BMPR1A: variants seen among roughly 807,000 people sequenced by gnomAD.
BMPR1A encodes bone morphogenetic protein receptor type-1A.
A neutral mutation model predicts 66.0 loss-of-function variants in BMPR1A; 7 were observed. The ratio of observed to expected loss-of-function variants is 0.11; its 90% CI spans 0.06 to 0.20. The LOEUF (loss-of-function observed/expected upper bound fraction) is 0.20. Among genes scored for constraint, BMPR1A ranks in the 10% least tolerant of loss-of-function variants. The probability of loss-of-function intolerance (pLI) is 1.00; values close to 1 mark genes in which losing one functional copy is unlikely to be tolerated. For missense variants in BMPR1A, 408 were observed against 669.1 expected (o/e 0.61, Z 4.31); for synonymous variants, 200 against 229.7 (o/e 0.87, Z 1.17).
intron 1 of BMPR1A, among the ~76,000 whole-genome samples, chr10:86,807,012 T>C (rs181044064): frequency 6.6e-6 from 1 of 152,150 alleles, no homozygotes; most frequent in Admixed American, 6.5e-5. Flanking sequence ...CAGGCTTCTA[T>C]AGGACCTTCT....
chr10:86,898,169 C>T (rs1843253323), intron 5 of BMPR1A, among the ~76,000 whole-genome samples: 1 of 151,990 alleles, frequency 6.6e-6, no homozygotes. Context: ...ATCCTCATGC[C>T]TCAGCCTCCC....
intron 1 of BMPR1A, among the ~76,000 whole-genome samples, chr10:86,813,081 T>A (rs780303772): frequency 1.3e-5 from 2 of 152,258 alleles, no homozygotes; most frequent in Non-Finnish European, 2.9e-5. Context: ...ATAATGAATT[T>A]GGTTCCCTAT....
chr10:86,878,623 G>A (rs1842949078), intron 3 of BMPR1A, among the ~76,000 whole-genome samples: 5 of 152,192 alleles, frequency 3.3e-5, no homozygotes, highest in Admixed American at 2.6e-4. Flanking sequence ...CATTTCCCTT[G>A]TGGTTCCCAA....
intron 1 of BMPR1A, among the ~76,000 whole-genome samples, chr10:86,813,045 T>C (rs1841991740): frequency 6.6e-6 from 1 of 152,226 alleles, no homozygotes; most frequent in Non-Finnish European, 1.5e-5. Flanking sequence ...AAATGTCATA[T>C]AGTTGGAATT....
At chr10:86,887,853 A>G (rs1843088027) in intron 3 of BMPR1A, among the ~76,000 whole-genome samples, 2 of 152,192 alleles carry the variant, frequency 1.3e-5, no homozygotes, top group Admixed American at 6.5e-5. Flanking sequence ...AAGCCTGGAA[A>G]GGTGACATGG....
At chr10:86,872,326 T>C (rs1015698976) in intron 2 of BMPR1A, among the ~76,000 whole-genome samples, 7 of 152,182 alleles carry the variant, frequency 4.6e-5, no homozygotes, top group Admixed American at 2.0e-4. Flanking sequence ...GTTTAAAATG[T>C]GTATTTACAT....
intron 1 of BMPR1A, among the ~76,000 whole-genome samples, chr10:86,778,344 A>G (rs1479557458): frequency 6.6e-6 from 1 of 151,880 alleles, no homozygotes; most frequent in East Asian, 1.9e-4. Flanking sequence ...GGGTCTCACC[A>G]TGTTGTCCAG....
At chr10:86,905,363 T>C (rs935162898) in intron 7 of BMPR1A, among the ~76,000 whole-genome samples, 2 of 152,186 alleles carry the variant, frequency 1.3e-5, no homozygotes, top group Non-Finnish European at 1.5e-5. Context: ...TCTGCCCCCA[T>C]AACACTTACT....
At chr10:86,766,048 G>C (rs1447406416) in intron 1 of BMPR1A, among the ~76,000 whole-genome samples, 1 of 148,628 alleles carries the variant, frequency 6.7e-6, no homozygotes, top group South Asian at 2.1e-4. Flanking sequence ...TGGTGCTGTG[G>C]TGCAAACAGC....
At chr10:86,819,737 GGTT>G (rs756204698) in intron 1 of BMPR1A, among the ~76,000 whole-genome samples, 6 of 152,330 alleles carry the variant, frequency 3.9e-5, no homozygotes, top group Non-Finnish European at 7.3e-5. Flanking sequence ...TTGTGGTAGT[GGTT>G]GTTATCCTTG....
intron 1 of BMPR1A, among the ~76,000 whole-genome samples, chr10:86,786,695 A>G (rs1841523210): frequency 6.6e-6 from 1 of 152,226 alleles, no homozygotes; most frequent in African/African-American, 2.4e-5. Flanking sequence ...GTTTGACGGA[A>G]GTCCAAATTT....
chr10:86,822,514 T>C (rs1422188208), intron 1 of BMPR1A, among the ~76,000 whole-genome samples: 1 of 152,222 alleles, frequency 6.6e-6, no homozygotes. Context: ...AAAAGTACAA[T>C]GTTTAGAGTC....
chr10:86,828,794 A>T (rs11202212), intron 1 of BMPR1A, among the ~76,000 whole-genome samples: 49,169 of 151,990 alleles, frequency 0.32, 8,215 homozygotes, highest in Admixed American at 0.36. Flanking sequence ...ATAAAAAAAA[A>T]ATATATATAC....
chr10:86,915,123 C>T (rs1843545903), intron 8 of BMPR1A, among the ~76,000 whole-genome samples: 1 of 152,142 alleles, frequency 6.6e-6, no homozygotes, highest in Admixed American at 6.5e-5. Flanking sequence ...AAAGGCTACA[C>T]AAAAGTGATT....
intron 1 of BMPR1A, among the ~76,000 whole-genome samples, chr10:86,827,276 T>C (rs1331108925): frequency 3.3e-5 from 5 of 152,198 alleles, no homozygotes; most frequent in African/African-American, 1.2e-4. Context: ...AATTATTCTG[T>C]ATATATTCTT....
At chr10:86,921,274 G>A (rs1843659075) in intron 10 of BMPR1A, among the ~76,000 whole-genome samples, 1 of 152,028 alleles carries the variant, frequency 6.6e-6, no homozygotes, top group Admixed American at 6.6e-5. Flanking sequence ...GAGGACTATC[G>A]GACTTAGTGT....
intron 1 of BMPR1A, among the ~76,000 whole-genome samples, chr10:86,763,230 T>C (rs1841100726): frequency 6.6e-6 from 1 of 152,172 alleles, no homozygotes; most frequent in Admixed American, 6.5e-5. Context: ...TTTGCAGCTT[T>C]TTAAAAATTT....
chr10:86,905,181 C>T (rs1843368326), intron 7 of BMPR1A, among the ~76,000 whole-genome samples: 1 of 152,200 alleles, frequency 6.6e-6, no homozygotes, highest in Non-Finnish European at 1.5e-5. Context: ...CATTTACATT[C>T]ATGACCCATG....
At chr10:86,829,846 T>G (rs989208794) in intron 1 of BMPR1A, among the ~76,000 whole-genome samples, 24 of 152,204 alleles carry the variant, frequency 1.6e-4, no homozygotes, top group Non-Finnish European at 2.9e-4. Context: ...CTTTTAACAG[T>G]AAAGCAGCTG....
Sources: allele counts gnomAD v4.1 joint callset (sites outside exome capture counted in the v4.1 genomes callset), GRCh38; gene constraint gnomAD v4.1.1; transcripts MANE v1.5; gene names NCBI Gene and HGNC (gene_info 2026-07-23, HGNC 2026-07-21).